CDH13: variants seen among roughly 807,000 people sequenced by gnomAD.
CDH13 encodes the protein cadherin-13.
In CDH13, 24 loss-of-function variants were observed where a neutral mutation model predicts 63.8. That is an observed-to-expected ratio of 0.38 (90% CI 0.27 to 0.53). The LOEUF is 0.53. CDH13 is among the 20% of genes least tolerant of loss of function. The pLI, the probability that CDH13 is intolerant of heterozygous loss-of-function variation, is 0.85. For missense variants in CDH13, 1,049 were observed against 903.1 expected, an observed-to-expected ratio of 1.16 and a Z score of -2.07; for synonymous variants, 503 against 355.3, an observed-to-expected ratio of 1.42 and a Z score of -4.67.
At chr16:83,414,468 T>C (rs867856240) in intron 6 of CDH13, among the ~76,000 whole-genome samples, 50 of 152,334 alleles carry the variant, frequency 3.3e-4, no homozygotes, top group African/African-American at 1.0e-3. Context: ...AGATTTTAAG[T>C]GTACAGTAGT....
At chr16:83,650,538 A>T (rs1444425264) in intron 8 of CDH13, among the ~76,000 whole-genome samples, 1 of 152,116 alleles carries the variant, frequency 6.6e-6, no homozygotes, top group East Asian at 1.9e-4. Context: ...GTGGTTCTCA[A>T]CCCCAGAGGG....
intron 2 of CDH13, among the ~76,000 whole-genome samples, chr16:82,902,566 T>C (rs1396025500): frequency 1.3e-5 from 2 of 152,218 alleles, no homozygotes; most frequent in East Asian, 3.9e-4. Context: ...TCACTTGGAA[T>C]GTGTTTAGCT....
intron 2 of CDH13, among the ~76,000 whole-genome samples, chr16:82,933,764 G>A: frequency 6.6e-6 from 1 of 152,056 alleles, no homozygotes; most frequent in Non-Finnish European, 1.5e-5. Context: ...CAAAACATAG[G>A]GGCTACAGGA....
intron 10 of CDH13, among the ~76,000 whole-genome samples, chr16:83,687,757 GTC>G (rs1287975233): frequency 6.6e-6 from 1 of 152,182 alleles, no homozygotes; most frequent in East Asian, 1.9e-4. Context: ...GGATGTGCAG[GTC>G]TCTCACAGAA....
At chr16:82,683,006 A>T (rs1233991839) in intron 1 of CDH13, among the ~76,000 whole-genome samples, 1 of 152,206 alleles carries the variant, frequency 6.6e-6, no homozygotes, top group Non-Finnish European at 1.5e-5. Context: ...TTCAAGTTCC[A>T]GCCCCCACTT....
intron 8 of CDH13, among the ~76,000 whole-genome samples, chr16:83,633,050 G>T (rs1910923694): frequency 3.3e-5 from 5 of 152,162 alleles, no homozygotes; most frequent in Admixed American, 3.3e-4. Flanking sequence ...CAGTGAAAAT[G>T]ACCAGAGGTC....
At chr16:83,754,593 T>C (rs937639788) in intron 11 of CDH13, among the ~76,000 whole-genome samples, 2 of 152,160 alleles carry the variant, frequency 1.3e-5, no homozygotes, top group Non-Finnish European at 2.9e-5. Context: ...ATGGGGGCAG[T>C]TTCCCCCATA....
At chr16:82,661,803 T>A (rs1911980251) in intron 1 of CDH13, among the ~76,000 whole-genome samples, 1 of 152,258 alleles carries the variant, frequency 6.6e-6, no homozygotes, top group South Asian at 2.1e-4. Flanking sequence ...CACACAGATG[T>A]GTGTCACATC....
At chr16:83,480,376 G>A (rs755411601) in intron 6 of CDH13, among the ~76,000 whole-genome samples, 5 of 152,132 alleles carry the variant, frequency 3.3e-5, no homozygotes, top group African/African-American at 1.2e-4. Flanking sequence ...GTGAGGCCAG[G>A]TTTTAAAAAT....
At chr16:83,094,188 G>C (rs959087873) in intron 3 of CDH13, among the ~76,000 whole-genome samples, 1 of 152,160 alleles carries the variant, frequency 6.6e-6, no homozygotes, top group Non-Finnish European at 1.5e-5. Context: ...GAAGCTCCCA[G>C]GCAAGGCCAA....
At position 83,698,362 on chromosome 16, in the gene CDH13, A is replaced by T. The variant is rs540903935; in HGVS notation, c.1538+19901A>T. ...TGGTTTGGGCCTCCCCTTTGGGCTT[A>T]AAAAGATACAAGAAACTGCTTCTGT... On this transcript the variant is annotated intron_variant, in intron 10 of 13. Coordinates refer to ENST00000567109, the MANE Select transcript of CDH13 (RefSeq NM_001257.5). Among the ~76,000 whole-genome samples the T allele has an allele frequency of 1.4e-3, 208 of 152,328 alleles. 1 individual carries two copies. The highest frequency in any genetic ancestry group is 4.6e-3 in the African/African-American group (191 of 41,586).
chr16:83,180,139 G>GTT (rs201494723), intron 4 of CDH13, among the ~76,000 whole-genome samples: 5 of 151,040 alleles, frequency 3.3e-5, no homozygotes, highest in African/African-American at 9.8e-5. Flanking sequence ...TAAAAGTAAG[G>GTT]TTTTTTTTGT....
In CDH13 at chr16:83,678,457, A is replaced by T; in HGVS notation, c.1534A>T (p.Ile512Phe). ...CCCCGACTCCCTGCAGCATCAAACC[A>T]TCAGGTGGGTGAGTGGCTCCGGAAC... Reference protein sequence around the residue: ...TDPDSLQHQTIRYSVYKDPAG... With the variant: ...TDPDSLQHQTFRYSVYKDPAG... Residue 512 changes from isoleucine to phenylalanine, a missense_variant, in exon 10 of 14, where the codon ATC becomes TTC. Coordinates refer to ENST00000567109, the MANE Select transcript of CDH13 (RefSeq NM_001257.5). 2 of 1,613,846 alleles carry T rather than the reference A, an allele frequency of 1.2e-6. No homozygotes were observed. Among genetic ancestry groups the T allele is most frequent in the Non-Finnish European group, 1.7e-6 (2 of 1,179,816 alleles).
intron 10 of CDH13, among the ~76,000 whole-genome samples, chr16:83,712,522 C>T (rs1457406030): frequency 1.3e-5 from 2 of 152,230 alleles, no homozygotes; most frequent in African/African-American, 4.8e-5. Context: ...TCAGGGCATG[C>T]TCTGCGCCCT....
At chr16:82,776,034 ACACT>A (rs1295964153) in intron 1 of CDH13, among the ~76,000 whole-genome samples, 2 of 152,134 alleles carry the variant, frequency 1.3e-5, no homozygotes, top group African/African-American at 2.4e-5. Flanking sequence ...ATGTGGCAAA[ACACT>A]CTCTCTCCTA....
At chr16:82,992,452 C>G (rs563786811) in intron 2 of CDH13, among the ~76,000 whole-genome samples, 8 of 152,212 alleles carry the variant, frequency 5.3e-5, no homozygotes, top group African/African-American at 9.6e-5. Context: ...ACTTTGGGCT[C>G]TACGTGCAGA....
At chr16:82,681,681 G>C (rs1266052450) in intron 1 of CDH13, among the ~76,000 whole-genome samples, 3 of 152,216 alleles carry the variant, frequency 2.0e-5, no homozygotes, top group African/African-American at 7.2e-5. Context: ...TGCCAGCTCA[G>C]CTTCCAGTAG....
Position 83,487,855 on chromosome 16 carries a change from G to A in CDH13, c.960+1200G>A, listed in dbSNP as rs528465832. On this transcript the variant is annotated intron_variant, in intron 7 of 13. Transcript: ENST00000567109. ...TCCTCTGCTTTCTCCTCTCTTATGT[G>A]CTATAGTTTCTCAAGAGATTCTGGA... Among the ~76,000 whole-genome samples, 124 of 152,234 alleles carry A rather than the reference G, an allele frequency of 8.1e-4. 1 individual carries two copies. The highest frequency in any genetic ancestry group is 6.8e-3 in the Middle Eastern group (2 of 294).
intron 10 of CDH13, chr16:83,726,263 C>G (rs1459945453): frequency 6.6e-6 from 1 of 152,202 alleles, no homozygotes; most frequent in Admixed American, 6.5e-5. Context: ...GATGGGGAAA[C>G]TGAGGCCCAA....
Sources: allele counts gnomAD v4.1 joint callset (sites outside exome capture counted in the v4.1 genomes callset), GRCh38; gene constraint gnomAD v4.1.1; transcripts MANE v1.5; gene names NCBI Gene and HGNC (gene_info 2026-07-23, HGNC 2026-07-21).